RYR2: variants seen among roughly 807,000 people sequenced by gnomAD.
The protein encoded by RYR2 is cardiac muscle ryanodine receptor-calcium release channel.
In RYR2, 227 loss-of-function variants were observed where a neutral mutation model predicts 601.1. The observed-to-expected ratio is 0.38, with a 90% confidence interval of 0.34 to 0.42. The LOEUF (loss-of-function observed/expected upper bound fraction) is 0.42, where lower values mean the gene tolerates loss of function less well. Among genes scored for constraint, RYR2 ranks in the 10% least tolerant of loss-of-function variants. The pLI, the probability that RYR2 is intolerant of heterozygous loss-of-function variation, is 1.00. For synonymous variants in RYR2, 2,223 were observed against 2,175.1 expected, an observed-to-expected ratio of 1.02 and a Z score of -0.61; for missense variants, 4,646 against 6,156.5, an observed-to-expected ratio of 0.75 and a Z score of 8.21.
At chr1:237,111,548 G>A (rs962546479) in intron 1 of RYR2, among the ~76,000 whole-genome samples, 2 of 145,886 alleles carry the variant, frequency 1.4e-5, no homozygotes, top group South Asian at 2.2e-4. Flanking sequence ...AGGTCGTGCC[G>A]CTGCACTCTA....
In RYR2 at chr1:237,631,429, A is replaced by G; in HGVS notation, c.6443A>G (p.Asp2148Gly). Residue 2148 changes from aspartate (D) to glycine (G), a missense_variant and splice_region_variant, in exon 42 of 105, where the codon GAT becomes GGT. This residue lies in a region of RYR2 where 137 missense variants were observed against 273.6 expected (regional missense o/e 0.50). Coordinates refer to ENST00000366574, the MANE Select transcript of RYR2 (RefSeq NM_001035.3). The stretch of plus-strand genomic sequence containing the variant: ...CATACGTCCATTGTCCTTTCTAGGG[A>G]TATTATGAATAACAAAGTGTTTTAC... ...EEKLMIRGLG[D>G]IMNNKVFYQH... 6.2e-7 allele frequency: 1 copy of G among 1,605,028 alleles called. No homozygotes were observed. The highest frequency in any genetic ancestry group is 8.5e-7 in the Non-Finnish European group (1 of 1,172,350).
chr1:237,482,436 A>G (rs951807260), intron 17 of RYR2, among the ~76,000 whole-genome samples: 2 of 151,884 alleles, frequency 1.3e-5, no homozygotes, highest in African/African-American at 4.9e-5. Flanking sequence ...AGATCTCGCA[A>G]ATAAGTGAGA....
chr1:237,633,675 TCA>T lies in RYR2; in HGVS notation c.6654_6655del (p.Ser2219LeufsTer31). 1 of 1,613,884 alleles carries T rather than the reference TCA, an allele frequency of 6.2e-7. No individual in the cohort carries two copies. Among genetic ancestry groups the T allele is most frequent in the Non-Finnish European group, 8.5e-7 (1 of 1,179,764 alleles). On this transcript the variant is annotated frameshift_variant, in exon 43 of 105. Transcript: ENST00000366574. LOFTEE classifies it high-confidence loss of function. ...AATCAAAAAGCTATGTTTGATCATC[TCA>T]GTTATTTACTGGAAAACAGCAGTGT...
chr1:237,441,877 C>G (rs1473845641), intron 13 of RYR2, among the ~76,000 whole-genome samples: 1 of 136,914 alleles, frequency 7.3e-6, no homozygotes, highest in Non-Finnish European at 1.5e-5. Flanking sequence ...TAAACACAAT[C>G]TAAGGAGGGG....
intron 1 of RYR2, among the ~76,000 whole-genome samples, chr1:237,166,767 G>A (rs545138176): frequency 6.6e-6 from 1 of 152,242 alleles, no homozygotes; most frequent in South Asian, 2.1e-4. Context: ...AGGTCTCATC[G>A]AGCTTAGATC....
intron 65 of RYR2, among the ~76,000 whole-genome samples, chr1:237,701,367 C>T (rs1017725103): frequency 2.0e-5 from 3 of 152,058 alleles, no homozygotes; most frequent in Non-Finnish European, 4.4e-5. Flanking sequence ...CCCGTCTCTA[C>T]TAAAAATACA....
intron 34 of RYR2, among the ~76,000 whole-genome samples, chr1:237,601,100 G>A (rs1290603881): frequency 1.3e-5 from 2 of 152,142 alleles, no homozygotes; most frequent in Non-Finnish European, 2.9e-5. Flanking sequence ...CCCAAGGAAA[G>A]GAAATCAGTG....
At chr1:237,293,817 T>C (rs1294499633) in intron 2 of RYR2, among the ~76,000 whole-genome samples, 1 of 152,200 alleles carries the variant, frequency 6.6e-6, no homozygotes, top group African/African-American at 2.4e-5. Flanking sequence ...ATTCTGACTC[T>C]TATCTTTTTG....
At position 237,610,720 on chromosome 1, in the gene RYR2, G is replaced by T; in HGVS notation, c.4684-42G>T. 6.7e-7 allele frequency: 1 copy of T among 1,482,664 alleles called. No homozygotes were observed. The highest frequency in any genetic ancestry group is 1.2e-5 in the South Asian group (1 of 80,942). 91.8% of individuals were successfully genotyped at this position (1,482,664 alleles called of 1,614,324 possible). A position where few individuals can be genotyped will look rare whatever the true frequency, so the allele number is the denominator to read the frequency against. On this transcript the variant is annotated intron_variant, in intron 35 of 104. Transcript: ENST00000366574. This position sits in a 1 kb window ranked among gnomAD's most constrained non-coding sequence, Gnocchi z 4.9. ...AGTCATTACTTTGTGAACCCCAAGG[G>T]ATGTTCTACATTTATTCTTTTTCTG...
chr1:237,507,521 T>A (rs1210711990), intron 23 of RYR2, among the ~76,000 whole-genome samples: 2 of 152,214 alleles, frequency 1.3e-5, no homozygotes, highest in East Asian at 3.8e-4. Flanking sequence ...AATTAATGTA[T>A]TTACCCTTCA....
At chr1:237,120,180 A>T (rs1379058733) in intron 1 of RYR2, among the ~76,000 whole-genome samples, 1 of 151,858 alleles carries the variant, frequency 6.6e-6, no homozygotes, top group African/African-American at 2.4e-5. Flanking sequence ...TTTTTTTATC[A>T]GGGGTTTTGA....
chr1:237,656,665 A>T (rs1683276345), intron 53 of RYR2, among the ~76,000 whole-genome samples: 1 of 152,126 alleles, frequency 6.6e-6, no homozygotes, highest in Admixed American at 6.6e-5. Context: ...ACTCAGCAAG[A>T]TCAGTTTTAG....
intron 1 of RYR2, among the ~76,000 whole-genome samples, chr1:237,249,151 T>C (rs939849541): frequency 2.0e-5 from 3 of 152,190 alleles, no homozygotes; most frequent in Non-Finnish European, 2.9e-5. Context: ...ATAACTAGTT[T>C]CCATTACTAG....
rs567896543 is a variant in RYR2 at position 237,536,607 on chromosome 1, G to C, written c.2906+6097G>C. Among the ~76,000 whole-genome samples the C allele has an allele frequency of 1.5e-4, 22 of 150,772 alleles. No homozygotes were observed. The South Asian group carries it at 4.0e-3, about 27-fold the overall frequency. On this transcript the variant is annotated intron_variant, in intron 25 of 104. Coordinates refer to ENST00000366574, the MANE Select transcript of RYR2 (RefSeq NM_001035.3). The stretch of plus-strand genomic sequence containing the variant: ...GCGGGCGCCTGTAGTCCCTGCTACT[G>C]GGGAGACTGAGGCAGGAGAATGGCG...
In RYR2 at chr1:237,330,912, T is replaced by G. The variant is rs756095192; in HGVS notation, c.203T>G (p.Val68Gly). 6.2e-7 allele frequency: 1 copy of G among 1,613,882 alleles called. No individual in the cohort carries two copies. The highest frequency in any genetic ancestry group is 1.3e-5 in the African/African-American group (1 of 74,942). Residue 68 changes from valine (V) to glycine (G), a missense_variant, in exon 3 of 105, where the codon GTG becomes GGG. Transcript: ENST00000366574. ...VPPDLSICTF[V>G]LEQSLSVRAL... ...CCAGACCTCTCCATCTGCACCTTTG[T>G]GCTGGAGCAGTCCCTCTCTGTCCGG...
At chr1:237,108,468 T>A (rs116649495) in intron 1 of RYR2, among the ~76,000 whole-genome samples, 1,806 of 152,316 alleles carry the variant, frequency 0.012, 29 homozygotes, top group African/African-American at 0.041. Flanking sequence ...CGCAGAGGCC[T>A]CCCTGGGAGC....
At chr1:237,772,702 TA>T (rs540194152) in intron 86 of RYR2, among the ~76,000 whole-genome samples, 104 of 152,282 alleles carry the variant, frequency 6.8e-4, no homozygotes, top group Non-Finnish European at 1.1e-3. Flanking sequence ...ACAGTATTTT[TA>T]AAACTATAAA....
intron 10 of RYR2, among the ~76,000 whole-genome samples, chr1:237,389,564 A>C (rs1211289231): frequency 6.6e-6 from 1 of 152,182 alleles, no homozygotes; most frequent in Non-Finnish European, 1.5e-5. Flanking sequence ...ATGCCATCAG[A>C]ATGGAGAGGT....
chr1:237,459,059 G>T (rs1281604432), intron 16 of RYR2, among the ~76,000 whole-genome samples: 1 of 152,234 alleles, frequency 6.6e-6, no homozygotes, highest in East Asian at 1.9e-4. Context: ...AGTAACGATT[G>T]AGATAAAGAT....
Sources: allele counts gnomAD v4.1 joint callset (sites outside exome capture counted in the v4.1 genomes callset), GRCh38; gene constraint gnomAD v4.1.1; regional missense constraint gnomAD v4.1.1; non-coding constraint Gnocchi (gnomAD v3.1); transcripts MANE v1.5; gene names NCBI Gene and HGNC (gene_info 2026-07-23, HGNC 2026-07-21).